CPXM2: variants seen among roughly 807,000 people sequenced by gnomAD.
CPXM2 encodes carboxypeptidase X, M14 family member 2.
Under a neutral mutation model 86.1 loss-of-function variants are expected in CPXM2, and 66 were observed. The ratio of observed to expected loss-of-function variants is 0.77; its 90% CI spans 0.63 to 0.94. The LOEUF is 0.94. CPXM2 is among the 40% of genes least tolerant of loss of function. The probability of loss-of-function intolerance (pLI) is 0.00; values close to 1 mark genes in which losing one functional copy is unlikely to be tolerated. For synonymous variants in CPXM2, 388 were observed against 400.2 expected, an observed-to-expected ratio of 0.97 and a Z score of 0.36; for missense variants, 948 against 1,026.3, an observed-to-expected ratio of 0.92 and a Z score of 1.04.
chr10:123,890,279 T>C (rs61861935), intron 1 of CPXM2, among the ~76,000 whole-genome samples: 35,586 of 152,164 alleles, frequency 0.23, 4,483 homozygotes, highest in Non-Finnish European at 0.26. Flanking sequence ...CTCAGAAATC[T>C]CCGCCCATTC....
intron 4 of CPXM2, among the ~76,000 whole-genome samples, chr10:123,822,965 A>G (rs1847960785): frequency 6.6e-6 from 1 of 152,136 alleles, no homozygotes; most frequent in Admixed American, 6.6e-5. Context: ...CAACCTTAGG[A>G]ATATATTAAA....
chr10:123,866,564 CAAA>C (rs34989736), intron 2 of CPXM2, among the ~76,000 whole-genome samples: 7 of 143,472 alleles, frequency 4.9e-5, no homozygotes, highest in Non-Finnish European at 6.1e-5. Flanking sequence ...GACACTGTCT[CAAA>C]AAAAAAAAAA....
chr10:123,903,397 C>T (rs2134262840), intron 2 of CPXM2, among the ~76,000 whole-genome samples: 3 of 152,334 alleles, frequency 2.0e-5, no homozygotes, highest in Middle Eastern at 3.4e-3. Context: ...AGAGCCTATC[C>T]CAGTGCTTGG....
chr10:123,748,509 G>A (rs1283575257), intron 13 of CPXM2, among the ~76,000 whole-genome samples: 2 of 152,130 alleles, frequency 1.3e-5, no homozygotes, highest in African/African-American at 4.8e-5. Context: ...GAGCTCACAG[G>A]AGCACAGGAC....
intron 2 of CPXM2, among the ~76,000 whole-genome samples, chr10:123,923,580 CAAA>C (rs774378580): frequency 8.3e-6 from 1 of 121,118 alleles, no homozygotes; most frequent in Admixed American, 8.4e-5. Context: ...GACTCCGTCT[CAAA>C]AAAAAAAAAA....
At chr10:123,867,997 G>A (rs1944824172) in intron 2 of CPXM2, among the ~76,000 whole-genome samples, 1 of 152,214 alleles carries the variant, frequency 6.6e-6, no homozygotes, top group Non-Finnish European at 1.5e-5. Context: ...TAAGAGAGAG[G>A]AGGTCTGGGG....
At chr10:123,903,715 T>C (rs867029070) in intron 2 of CPXM2, among the ~76,000 whole-genome samples, 68 of 152,226 alleles carry the variant, frequency 4.5e-4, no homozygotes, top group African/African-American at 1.6e-3. Context: ...GACTTTGTAA[T>C]GTGCAGAGAG....
intron 2 of CPXM2, among the ~76,000 whole-genome samples, chr10:123,936,821 G>T (rs893607745): frequency 6.6e-6 from 1 of 152,080 alleles, no homozygotes; most frequent in Non-Finnish European, 1.5e-5. Flanking sequence ...GCACCCTCCT[G>T]CCTTCCTCAT....
rs754267131 is a variant in CPXM2 at position 123,746,850 on chromosome 10, T to A, written c.2185A>T (p.Ile729Phe). The A allele has an allele frequency of 6.2e-7, 1 of 1,614,138 alleles. No individual in the cohort carries two copies. Among genetic ancestry groups the A allele is most frequent in the Non-Finnish European group, 8.5e-7 (1 of 1,180,036 alleles). The change falls in exon 14 of 14, where the codon ATC becomes TTC. Residue 729 changes from isoleucine (I) to phenylalanine (F), a missense_variant. By Grantham distance (21) the Ile-to-Phe change is conservative. Transcript: ENST00000241305. ...GGCTGCTTCCCAAACTTCTCCATGATCTCTCGGATCCTGGCCATGTTGGTT... is the reference window on the plus strand; with the variant it reads ...GGCTGCTTCCCAAACTTCTCCATGAACTCTCGGATCCTGGCCATGTTGGTT... ...SKTNMARIRE[I>F]MEKFGKQPVS...
intron 1 of CPXM2, among the ~76,000 whole-genome samples, chr10:123,883,611 G>C (rs2222187): frequency 1.3e-5 from 2 of 152,240 alleles, no homozygotes; most frequent in African/African-American, 4.8e-5. Flanking sequence ...CAGCTAATGT[G>C]CATAGCATGG....
intron 4 of CPXM2, among the ~76,000 whole-genome samples, chr10:123,835,201 G>A (rs957269990): frequency 6.6e-6 from 1 of 152,160 alleles, no homozygotes; most frequent in Non-Finnish European, 1.5e-5. Flanking sequence ...AAACAGGCGG[G>A]AAGCAAAGGC....
At chr10:123,914,162 C>T (rs1945515101) in intron 2 of CPXM2, 1 of 445,358 alleles carries the variant, frequency 2.2e-6, no homozygotes, top group Non-Finnish European at 4.5e-6. Flanking sequence ...AAGGTCAAAA[C>T]AGCTCTTGCC....
At chr10:123,836,892 G>A (rs1357919965) in intron 4 of CPXM2, among the ~76,000 whole-genome samples, 3 of 95,498 alleles carry the variant, frequency 3.1e-5, no homozygotes, top group Non-Finnish European at 4.4e-5. Flanking sequence ...TTCCCCCCAG[G>A]TGAGGTCTCA....
intron 6 of CPXM2, among the ~76,000 whole-genome samples, chr10:123,791,443 G>C (rs1027217220): frequency 6.6e-6 from 1 of 152,272 alleles, no homozygotes; most frequent in South Asian, 2.1e-4. Context: ...GAGCTTCAAG[G>C]CATCAGCAGG....
At position 123,746,600 on chromosome 10, in the gene CPXM2, C is replaced by T; in HGVS notation, c.*164G>A. 1 of 664,626 alleles carries T rather than the reference C, an allele frequency of 1.5e-6. No homozygotes were observed. Among genetic ancestry groups the T allele is most frequent in the Non-Finnish European group, 2.6e-6 (1 of 391,864 alleles). The allele number at this position is 664,626 out of a possible 1,614,324, so 41.2% of individuals were successfully genotyped here. ...GGGAACAAAGAAAAGAAAACAGCCTCAGCCTCCAGCCTTCCCTTTTGGGAC... is the reference window on the plus strand; with the variant it reads ...GGGAACAAAGAAAAGAAAACAGCCTTAGCCTCCAGCCTTCCCTTTTGGGAC... On this transcript the variant is annotated 3_prime_UTR_variant, in exon 14 of 14. Transcript: ENST00000241305.
At chr10:123,827,250 G>C (rs764609400) in intron 4 of CPXM2, among the ~76,000 whole-genome samples, 2 of 152,076 alleles carry the variant, frequency 1.3e-5, no homozygotes, top group Non-Finnish European at 2.9e-5. Context: ...CAGTCTCTTA[G>C]ACAATCTTGG....
At chr10:123,892,931 G>C (rs1945297981), upstream of CPXM2, among the ~76,000 whole-genome samples, 1 of 152,224 alleles carries the variant, frequency 6.6e-6, no homozygotes, top group Non-Finnish European at 1.5e-5. Flanking sequence ...CAGAGCCAGA[G>C]CTGGCACAGC....
At position 123,794,734 on chromosome 10, in the gene CPXM2, C is replaced by CGTGTGTGTGTGTGT. The variant is rs142855432; in HGVS notation, c.889+3228_889+3241dup. Among the ~76,000 whole-genome samples the CGTGTGTGTGTGTGT allele has an allele frequency of 1.3e-3, 184 of 141,318 alleles. 1 individual carries two copies. In the East Asian group the frequency reaches 0.017, roughly 13 times the overall value. The allele number at this position is 141,318 out of a possible 152,430, so 92.7% of individuals were successfully genotyped here. On this transcript the variant is annotated intron_variant, in intron 6 of 13. Coordinates refer to ENST00000241305, the MANE Select transcript of CPXM2 (RefSeq NM_198148.3). ...TCATTTTTATTTATTTATTTAAGAC[C>CGTGTGTGTGTGTGT]GTGTGTGTGTGTGTGTGTGTGTGTG... is the stretch of plus-strand genomic sequence containing the variant.
chr10:123,825,039 C>T (rs1021179478), intron 4 of CPXM2, among the ~76,000 whole-genome samples: 6 of 152,198 alleles, frequency 3.9e-5, no homozygotes, highest in African/African-American at 1.4e-4. Flanking sequence ...AAATTGGACA[C>T]TTACCGGAAA....
Sources: gnomAD v4.1 joint callset for allele counts (sites outside exome capture counted in the v4.1 genomes callset) on GRCh38, gnomAD v4.1.1 for gene constraint, MANE v1.5 for transcripts, NCBI Gene and HGNC (gene_info 2026-07-23, HGNC 2026-07-21) for gene names.